The following PTPRD variants were observed in gnomAD, a reference collection of about 807,000 sequenced individuals.
The protein encoded by PTPRD is receptor-type tyrosine-protein phosphatase delta.
In PTPRD, 34 loss-of-function variants were observed where a neutral mutation model predicts 214.5. The ratio of observed to expected loss-of-function variants is 0.16; its 90% CI spans 0.12 to 0.21. The LOEUF (loss-of-function observed/expected upper bound fraction) is 0.21, where lower values mean the gene tolerates loss of function less well. Among genes scored for constraint, PTPRD ranks in the 10% least tolerant of loss-of-function variants. The probability of loss-of-function intolerance (pLI) is 1.00; values close to 1 mark genes in which losing one functional copy is unlikely to be tolerated. For missense variants in PTPRD, 2,545 were observed against 2,398.7 expected, an observed-to-expected ratio of 1.06 and a Z score of -1.27; for synonymous variants, 1,128 against 845.7, an observed-to-expected ratio of 1.33 and a Z score of -5.79.
At chr9:8,666,150 A>T (rs12686188) in intron 12 of PTPRD, among the ~76,000 whole-genome samples, 17,553 of 152,130 alleles carry the variant, frequency 0.12, 1,116 homozygotes, top group East Asian at 0.25. Flanking sequence ...CTAAAGGCCC[A>T]GGTTGAAAAA....
At chr9:9,480,527 A>T (rs186384553) in intron 8 of PTPRD, among the ~76,000 whole-genome samples, 1 of 152,200 alleles carries the variant, frequency 6.6e-6, no homozygotes, top group Non-Finnish European at 1.5e-5. Context: ...GAAACATTTT[A>T]AAAAGCAATA....
chr9:10,569,495 G>A (rs1037418487), intron 2 of PTPRD, among the ~76,000 whole-genome samples: 1 of 151,152 alleles, frequency 6.6e-6, no homozygotes, highest in African/African-American at 2.4e-5. Flanking sequence ...GTATACTTGT[G>A]TATATGCATG....
At chr9:8,345,963 G>C (rs879365504) in intron 39 of PTPRD, among the ~76,000 whole-genome samples, 3 of 152,022 alleles carry the variant, frequency 2.0e-5, no homozygotes, top group Non-Finnish European at 2.9e-5. Context: ...CTCAGTAGTA[G>C]TCTCCAAAGG....
chr9:9,374,498 T>C (rs577396439), intron 9 of PTPRD, among the ~76,000 whole-genome samples: 1 of 152,244 alleles, frequency 6.6e-6, no homozygotes, highest in Non-Finnish European at 1.5e-5. Flanking sequence ...TAAAAGCATA[T>C]TCCAGAAAGT....
intron 14 of PTPRD, among the ~76,000 whole-genome samples, chr9:8,532,680 C>T (rs1278145625): frequency 6.6e-6 from 1 of 152,020 alleles, no homozygotes; most frequent in Non-Finnish European, 1.5e-5. Context: ...ACTAATTCAT[C>T]AACCATTTAA....
intron 11 of PTPRD, among the ~76,000 whole-genome samples, chr9:8,886,799 A>T (rs1186336318): frequency 2.0e-5 from 3 of 152,256 alleles, no homozygotes; most frequent in Admixed American, 6.5e-5. Context: ...TGGTTAAAAA[A>T]TGCTTAAAAA....
chr9:8,521,488 G>T lies in PTPRD; in HGVS notation c.750C>A (p.Gly250=), dbSNP rs147417729. ...IPPTNHEIMP[G]GSVNITCVAV... is the part of the protein sequence containing the mutation. ...CCACACAGGTGATATTAACGCTTCC[G>T]CCTGGCATGATTTCATGATTAGTGG... Residue 250 remains glycine, a synonymous_variant, in exon 20 of 46, where the codon GGC becomes GGA. Coordinates refer to ENST00000381196, the MANE Select transcript of PTPRD (RefSeq NM_002839.4). The T allele has an allele frequency of 1.9e-6, 3 of 1,613,930 alleles. No individual in the cohort carries two copies. Among genetic ancestry groups the T allele is most frequent in the Non-Finnish European group, 2.5e-6 (3 of 1,179,910 alleles).
intron 11 of PTPRD, among the ~76,000 whole-genome samples, chr9:8,902,494 C>A (rs547962359): frequency 6.6e-6 from 1 of 151,942 alleles, no homozygotes; most frequent in Non-Finnish European, 1.5e-5. Context: ...AGGCAATGTG[C>A]CACCACACCT....
At chr9:9,001,902 C>G (rs985607149) in intron 11 of PTPRD, among the ~76,000 whole-genome samples, 1 of 148,752 alleles carries the variant, frequency 6.7e-6, no homozygotes, top group Non-Finnish European at 1.5e-5. Flanking sequence ...TGTTCTCATG[C>G]AATAAGCACC....
intron 5 of PTPRD, among the ~76,000 whole-genome samples, chr9:9,917,873 C>A (rs149375417): frequency 6.6e-6 from 1 of 151,884 alleles, no homozygotes; most frequent in African/African-American, 2.4e-5. Flanking sequence ...CACTAACATC[C>A]TTTAATGATT....
chr9:10,100,380 C>G (rs760932721), intron 3 of PTPRD, among the ~76,000 whole-genome samples: 3 of 151,614 alleles, frequency 2.0e-5, no homozygotes, highest in Non-Finnish European at 4.4e-5. Flanking sequence ...GGAATTTGAA[C>G]CAAAGCAGTC....
chr9:10,280,646 T>C (rs1223594165), intron 3 of PTPRD, among the ~76,000 whole-genome samples: 3 of 152,120 alleles, frequency 2.0e-5, no homozygotes, highest in Non-Finnish European at 4.4e-5. Context: ...CTCTGTCACA[T>C]AGGCTGGAGT....
At chr9:9,145,444 T>C (rs2099866989) in intron 10 of PTPRD, among the ~76,000 whole-genome samples, 1 of 128,914 alleles carries the variant, frequency 7.8e-6, no homozygotes, top group Non-Finnish European at 1.6e-5. Context: ...TAATTTAGAA[T>C]ATATACTATG....
At chr9:9,638,746 C>T (rs1333784169) in intron 7 of PTPRD, among the ~76,000 whole-genome samples, 1 of 152,160 alleles carries the variant, frequency 6.6e-6, no homozygotes, top group South Asian at 2.1e-4. Flanking sequence ...GTTTGTGCTA[C>T]TATAACAGAT....
At chr9:10,054,367 G>C (rs1414532854) in intron 3 of PTPRD, among the ~76,000 whole-genome samples, 2 of 152,104 alleles carry the variant, frequency 1.3e-5, no homozygotes, top group Non-Finnish European at 2.9e-5. Flanking sequence ...TGCAAGATTT[G>C]TTTTTAAAGA....
At chr9:9,078,905 T>G (rs1194657436) in intron 10 of PTPRD, among the ~76,000 whole-genome samples, 1 of 152,042 alleles carries the variant, frequency 6.6e-6, no homozygotes, top group Non-Finnish European at 1.5e-5. Flanking sequence ...AGTGATCAGA[T>G]CAGGGTAATT....
intron 14 of PTPRD, among the ~76,000 whole-genome samples, chr9:8,611,780 G>C (rs1035722102): frequency 6.9e-6 from 1 of 145,520 alleles, no homozygotes; most frequent in Non-Finnish European, 1.5e-5. Context: ...GAGGGGAGGG[G>C]AGGGGAGGGG....
intron 8 of PTPRD, among the ~76,000 whole-genome samples, chr9:9,438,648 T>C (rs1311515339): frequency 6.6e-6 from 1 of 152,178 alleles, no homozygotes; most frequent in Non-Finnish European, 1.5e-5. Flanking sequence ...GATTGCTAAT[T>C]ATTCACTATG....
chr9:9,156,472 A>G (rs1339611368), intron 10 of PTPRD, among the ~76,000 whole-genome samples: 1 of 151,580 alleles, frequency 6.6e-6, no homozygotes, highest in African/African-American at 2.4e-5. Context: ...ATATAAGTAT[A>G]TATTAATTAA....
Sources: allele counts gnomAD v4.1 joint callset (sites outside exome capture counted in the v4.1 genomes callset), GRCh38; gene constraint gnomAD v4.1.1; transcripts MANE v1.5; gene names NCBI Gene and HGNC (gene_info 2026-07-23, HGNC 2026-07-21).